The following PCDHGA1 variants were observed in gnomAD, a reference collection of about 807,000 sequenced individuals.
PCDHGA1 encodes the protein protocadherin gamma-A1.
PCDHGA1 carries 32 observed loss-of-function variants against 58.0 expected under a neutral mutation model. The ratio of observed to expected loss-of-function variants is 0.55; its 90% CI spans 0.42 to 0.74. The LOEUF (loss-of-function observed/expected upper bound fraction) is 0.74, where lower values mean the gene tolerates loss of function less well. Ranked by LOEUF, PCDHGA1 falls within the 30% of genes least tolerant of loss-of-function variation. The pLI is 0.00. For synonymous variants in PCDHGA1, 498 were observed against 501.1 expected (o/e 0.99, Z 0.08); for missense variants, 1,205 against 1,182.3 (o/e 1.02, Z -0.28).
chr5:141,398,692 AG>A, intron 1 of PCDHGA1: 1 of 1,613,942 alleles, frequency 6.2e-7, no homozygotes, highest in Non-Finnish European at 8.5e-7. Context: ...ACAGGATGGT[AG>A]TAAATACCCG....
Position 141,415,739 on chromosome 5 carries a change from GGTTTT to G in PCDHGA1, c.2422-79067_2422-79063del, listed in dbSNP as rs2095909931. ...ATGAGTAGAATTTGATGTTTATTAA[GGTTTT>G]TTTTTTTTTTTTTTTTTTTTTTTTT... On this transcript the variant is annotated intron_variant, in intron 1 of 3. Transcript: ENST00000517417. 124 of 435,052 alleles carry G rather than the reference GGTTTT, an allele frequency of 2.9e-4. No homozygotes were observed. The African/African-American group carries it at 3.6e-3, about 13-fold the overall frequency. 26.9% of individuals were successfully genotyped at this position (435,052 alleles called of 1,614,324 possible).
intron 1 of PCDHGA1, chr5:141,398,820 G>T (rs1376527266): frequency 1.2e-6 from 2 of 1,613,854 alleles, no homozygotes; most frequent in African/African-American, 2.7e-5. Flanking sequence ...TCCGGATCCA[G>T]GTAACCGACG....
chr5:141,350,919 GC>G (rs764101793), intron 1 of PCDHGA1: 22 of 1,613,980 alleles, frequency 1.4e-5, no homozygotes, highest in Non-Finnish European at 1.9e-5. Context: ...CCGCCTCTAA[GC>G]GGCACCACCC....
intron 1 of PCDHGA1, chr5:141,400,256 G>A (rs756430299): frequency 9.9e-6 from 16 of 1,613,986 alleles, no homozygotes; most frequent in Admixed American, 1.7e-5. Context: ...GTTGCCTTGC[G>A]CCTGCGACGC....
At chr5:141,421,854 C>T (rs1402137870) in intron 1 of PCDHGA1, 9 of 1,613,644 alleles carry the variant, frequency 5.6e-6, no homozygotes. Flanking sequence ...AGGCTGCTCA[C>T]CTGCTCCTCC....
At chr5:141,362,212 G>C in intron 1 of PCDHGA1, 1 of 1,614,048 alleles carries the variant, frequency 6.2e-7, no homozygotes, top group Non-Finnish European at 8.5e-7. Flanking sequence ...GTTTTACCTG[G>C]TTGTGGCCTT....
At chr5:141,360,906 G>A in intron 1 of PCDHGA1, 4 of 1,614,012 alleles carry the variant, frequency 2.5e-6, no homozygotes, top group South Asian at 1.1e-5. Context: ...ACGTGCCGCC[G>A]GGCTTCTTTG....
chr5:141,472,412 G>A (rs1283620276), intron 1 of PCDHGA1, among the ~76,000 whole-genome samples: 8 of 151,940 alleles, frequency 5.3e-5, no homozygotes, highest in Non-Finnish European at 8.8e-5. Context: ...GTGGTGGCAC[G>A]CACCTGTATC....
intron 1 of PCDHGA1, among the ~76,000 whole-genome samples, chr5:141,349,444 A>T (rs554674177): frequency 1.3e-5 from 2 of 152,234 alleles, no homozygotes; most frequent in Non-Finnish European, 2.9e-5. Context: ...ATTCCACTTC[A>T]TAAAAGCATG....
Position 141,331,592 on chromosome 5 carries a change from A to G in PCDHGA1, c.908A>G (p.Asn303Ser), listed in dbSNP as rs1290619811. The change falls in exon 1 of 4, where the codon AAT (asparagine) becomes AGT (serine). Residue 303 changes from asparagine to serine, a missense_variant. Coordinates refer to ENST00000517417, the MANE Select transcript of PCDHGA1 (RefSeq NM_018912.3). ...GATTCTTACACAGGAGAAATATCAA[A>G]TAAAGAACCACTAGATTTCGAAGAA... is the stretch of plus-strand genomic sequence containing the variant. ...RLDSYTGEIS[N>S]KEPLDFEEYK... 3.1e-6 allele frequency: 5 copies of G among 1,614,146 alleles called. No individual in the cohort carries two copies. The highest frequency in any genetic ancestry group is 4.2e-6 in the Non-Finnish European group (5 of 1,180,032).
chr5:141,510,804 T>C (rs965530116), intron 3 of PCDHGA1, 143 bp from the exon 4 acceptor site: 2 of 1,504,768 alleles, frequency 1.3e-6, no homozygotes, highest in Admixed American at 2.0e-5. Flanking sequence ...AGAGACTACC[T>C]TGGTGACCCC....
chr5:141,342,866 A>G (rs1170714054), intron 1 of PCDHGA1: 1 of 152,210 alleles, frequency 6.6e-6, no homozygotes, highest in Admixed American at 6.5e-5. Context: ...TGGTTTTGAA[A>G]AAACATCCTT....
intron 1 of PCDHGA1, chr5:141,402,902 G>GA: frequency 6.6e-7 from 1 of 1,522,022 alleles, no homozygotes; most frequent in Non-Finnish European, 8.8e-7. Flanking sequence ...AGAACCTGAT[G>GA]AAGCAGCGCG....
chr5:141,487,312 TAA>T lies in PCDHGA1; in HGVS notation c.2422-7494_2422-7493del, dbSNP rs1464336630. ...TTGGCTCATTCGTGGCACTACTCTC[TAA>T]GTGTCTTCGTGGGGCAGCCTGTGGA... On this transcript the variant is annotated intron_variant, in intron 1 of 3. Transcript: ENST00000517417. The surrounding 1 kb of genome is among the most constrained non-coding windows in gnomAD (Gnocchi z 5.0). 1 of 1,614,158 alleles carries T rather than the reference TAA, an allele frequency of 6.2e-7. No homozygotes were observed. Among genetic ancestry groups the T allele is most frequent in the African/African-American group, 1.3e-5 (1 of 75,056 alleles).
At chr5:141,471,046 C>CTTT (rs1170588345) in intron 1 of PCDHGA1, among the ~76,000 whole-genome samples, 3 of 113,252 alleles carry the variant, frequency 2.6e-5, no homozygotes, top group Non-Finnish European at 5.4e-5. Context: ...CCCAAGCCCT[C>CTTT]TTTTTTTTTT....
At position 141,404,691 on chromosome 5, in the gene PCDHGA1, G is replaced by A. The variant is rs200601931; in HGVS notation, c.2421+71586G>A. ...TCTACTGGTGTGGAGCTGGCACCCC[G>A]CTCTGCAGAGCCTGGCTACCTGGTG... is the stretch of plus-strand genomic sequence containing the variant. On this transcript the variant is annotated intron_variant, in intron 1 of 3. Transcript: ENST00000517417. 1.4e-5 allele frequency: 22 copies of A among 1,613,996 alleles called. No individual in the cohort carries two copies. The East Asian group carries it at 3.8e-4, about 28-fold the overall frequency.
intron 1 of PCDHGA1, chr5:141,340,334 A>T (rs1038352018): frequency 1.2e-6 from 2 of 1,614,060 alleles, no homozygotes; most frequent in African/African-American, 1.3e-5. Flanking sequence ...CTTCTCCCGC[A>T]CATCCTACTC....
intron 2 of PCDHGA1, among the ~76,000 whole-genome samples, chr5:141,499,209 C>G (rs1171702973): frequency 6.6e-6 from 1 of 152,096 alleles, no homozygotes; most frequent in Admixed American, 6.5e-5. Context: ...GGCTGTAACC[C>G]AGGCCCTGCC....
At chr5:141,383,367 G>C in intron 1 of PCDHGA1, 2 of 1,614,030 alleles carry the variant, frequency 1.2e-6, no homozygotes, top group Non-Finnish European at 1.7e-6. Context: ...CGTTAAGCGA[G>C]GCTGGGGATC....
Sources: gnomAD v4.1 joint callset for allele counts (sites outside exome capture counted in the v4.1 genomes callset) on GRCh38, gnomAD v4.1.1 for gene constraint, Gnocchi (gnomAD v3.1) non-coding constraint, MANE v1.5 for transcripts, NCBI Gene and HGNC (gene_info 2026-07-23, HGNC 2026-07-21) for gene names.